Variants in PLEKHH2 observed in about 807,000 individuals in gnomAD.
PLEKHH2 encodes pleckstrin homology, MyTH4 and FERM domain containing H2.
PLEKHH2 carries 129 observed loss-of-function variants against 187.9 expected under a neutral mutation model. The observed-to-expected ratio is 0.69, with a 90% CI of 0.59 to 0.79. The LOEUF (loss-of-function observed/expected upper bound fraction) is 0.79, where lower values mean the gene tolerates loss of function less well. Among genes scored for constraint, PLEKHH2 ranks in the 30% least tolerant of loss-of-function variants. PLEKHH2 has a pLI of 0.00. For missense variants in PLEKHH2, 2,076 were observed against 1,751.2 expected, an observed-to-expected ratio of 1.19 and a Z score of -3.31; for synonymous variants, 686 against 605.6, an observed-to-expected ratio of 1.13 and a Z score of -1.95.
At chr2:43,724,627 A>G (rs1369353889) in intron 16 of PLEKHH2, among the ~76,000 whole-genome samples, 1 of 152,196 alleles carries the variant, frequency 6.6e-6, no homozygotes. Flanking sequence ...TATAACAAAG[A>G]GCCTTGGAAT....
intron 10 of PLEKHH2, 66 bp from the exon 11 acceptor site, chr2:43,707,335 A>G: frequency 1.3e-6 from 2 of 1,584,784 alleles, no homozygotes; most frequent in Non-Finnish European, 1.7e-6. Flanking sequence ...AATAACTAGC[A>G]GCCTTTTCTT....
At chr2:43,738,974 C>T (rs868504951) in intron 20 of PLEKHH2, among the ~76,000 whole-genome samples, 1 of 152,184 alleles carries the variant, frequency 6.6e-6, no homozygotes, top group Non-Finnish European at 1.5e-5. Flanking sequence ...TCACTGGAAC[C>T]TCCGCCTCCC....
chr2:43,744,781 T>A (rs544550454), intron 23 of PLEKHH2, among the ~76,000 whole-genome samples: 15 of 148,182 alleles, frequency 1.0e-4, no homozygotes, highest in Middle Eastern at 3.6e-3. Flanking sequence ...GGCACTAGAA[T>A]CTCTTGAGCC....
chr2:43,726,479 G>T, intron 17 of PLEKHH2, 28 bp downstream of exon 17: 1 of 1,531,830 alleles, frequency 6.5e-7, no homozygotes, highest in Non-Finnish European at 9.0e-7. Flanking sequence ...GGTTGATTTA[G>T]AATGATGTAG....
In PLEKHH2 at chr2:43,678,851, C is replaced by G. The variant is rs1400193016; in HGVS notation, c.124-12C>G. ...ATAAATTTTTGTATTTATATTTTCC[C>G]TCACTCTACAGATGCAACAGCTTGA... On this transcript the variant is annotated splice_polypyrimidine_tract_variant and intron_variant, in intron 2 of 29. Coordinates refer to ENST00000282406, the MANE Select transcript of PLEKHH2 (RefSeq NM_172069.4). 3 of 1,571,410 alleles carry G rather than the reference C, an allele frequency of 1.9e-6. No individual in the cohort carries two copies. Among genetic ancestry groups the G allele is most frequent in the Non-Finnish European group, 2.6e-6 (3 of 1,154,340 alleles).
At position 43,710,100 on chromosome 2, in the gene PLEKHH2, T is replaced by A. The variant is rs993002177; in HGVS notation, c.2077T>A (p.Ser693Thr). Residue 693 changes from serine to threonine, a missense_variant, in exon 12 of 30, where the codon TCA (serine) becomes ACA (threonine). Coordinates refer to ENST00000282406, the MANE Select transcript of PLEKHH2 (RefSeq NM_172069.4). The part of the protein sequence containing the change: ...QPEQKLPKTC[S>T]SSSDNGKNEP... ...AGAGCAGAAGCTCCCAAAAACTTGC[T>A]CATCTTCCAGTGATAATGGGAAAAA... 3.1e-6 allele frequency: 5 copies of A among 1,613,138 alleles called. No individual in the cohort carries two copies. In the African/African-American group the frequency reaches 6.7e-5, roughly 22 times the overall value.
At chr2:43,714,744 C>G (rs1243008670) in intron 15 of PLEKHH2, among the ~76,000 whole-genome samples, 1 of 152,104 alleles carries the variant, frequency 6.6e-6, no homozygotes, top group Admixed American at 6.5e-5. Flanking sequence ...GCACAATGTG[C>G]TGAAAGATAC....
At chr2:43,755,585 T>C (rs74371510) in intron 25 of PLEKHH2, among the ~76,000 whole-genome samples, 2,106 of 152,282 alleles carry the variant, frequency 0.014, 62 homozygotes, top group African/African-American at 0.046. Context: ...AGACAGTAAT[T>C]TGGGCAGGGA....
intron 19 of PLEKHH2, among the ~76,000 whole-genome samples, chr2:43,733,732 G>A (rs1244551112): frequency 6.6e-6 from 1 of 152,160 alleles, no homozygotes; most frequent in Non-Finnish European, 1.5e-5. Context: ...AGGTGGGGAG[G>A]TGGTGAAGTT....
intron 15 of PLEKHH2, among the ~76,000 whole-genome samples, chr2:43,715,725 G>A (rs1236789743): frequency 2.0e-5 from 3 of 152,176 alleles, no homozygotes; most frequent in African/African-American, 7.2e-5. Context: ...TCAGGAAAGA[G>A]GAGCAGTTTT....
At chr2:43,648,952 G>T (rs1479244736) in intron 2 of PLEKHH2, among the ~76,000 whole-genome samples, 2 of 152,144 alleles carry the variant, frequency 1.3e-5, no homozygotes, top group Non-Finnish European at 2.9e-5. Context: ...GATGATCTAG[G>T]TGTTTTTATA....
chr2:43,653,020 A>C (rs1191242945), intron 2 of PLEKHH2, among the ~76,000 whole-genome samples: 2 of 152,216 alleles, frequency 1.3e-5, no homozygotes, highest in Non-Finnish European at 2.9e-5. Context: ...ATGTAAAGCA[A>C]AACATTAAAG....
rs1452249965 is a variant in PLEKHH2 at position 43,710,236 on chromosome 2, C to T, written c.2120C>T (p.Ser707Phe). The T allele has an allele frequency of 6.2e-7, 1 of 1,613,850 alleles. No homozygotes were observed. The highest frequency in any genetic ancestry group is 2.2e-5 in the East Asian group (1 of 44,876). ...AAAAATTAGGAACCACTGGAAAAAT[C>T]TGGTTATTTATTAAAAATGAGTGGT... ...DNGKNEPLEK[S>F]GYLLKMSGKV... The change falls in exon 13 of 30, where the codon TCT (serine) becomes TTT (phenylalanine). Residue 707 changes from serine to phenylalanine, a missense_variant. Transcript: ENST00000282406.
intron 4 of PLEKHH2, among the ~76,000 whole-genome samples, chr2:43,693,528 A>T (rs7563271): frequency 6.6e-6 from 1 of 151,962 alleles, no homozygotes; most frequent in Non-Finnish European, 1.5e-5. Flanking sequence ...GATCGAGACC[A>T]TCTGGCTAAC....
chr2:43,760,176 T>A (rs1452603157), intron 27 of PLEKHH2, among the ~76,000 whole-genome samples: 1 of 152,166 alleles, frequency 6.6e-6, no homozygotes, highest in Non-Finnish European at 1.5e-5. Context: ...TTTTCTGTTC[T>A]GATAAAATGT....
intron 16 of PLEKHH2, among the ~76,000 whole-genome samples, chr2:43,725,119 C>A (rs1214012600): frequency 6.6e-6 from 1 of 152,166 alleles, no homozygotes. Flanking sequence ...GATATCTTAT[C>A]CTCCTGATGG....
chr2:43,666,823 A>G (rs1317758918), intron 2 of PLEKHH2, among the ~76,000 whole-genome samples: 5 of 152,166 alleles, frequency 3.3e-5, no homozygotes, highest in Admixed American at 2.0e-4. Context: ...CTTGAATTGT[A>G]AAAATTCCTT....
At chr2:43,734,525 A>C (rs1572638436) in intron 19 of PLEKHH2, among the ~76,000 whole-genome samples, 1 of 152,356 alleles carries the variant, frequency 6.6e-6, no homozygotes, top group South Asian at 2.1e-4. Context: ...ATCATCAGGG[A>C]AATGCAAATC....
intron 16 of PLEKHH2, among the ~76,000 whole-genome samples, chr2:43,723,942 G>C (rs566508302): frequency 1.3e-5 from 2 of 152,252 alleles, no homozygotes; most frequent in Non-Finnish European, 2.9e-5. Flanking sequence ...GTGGTGCTGT[G>C]GACATGTGAG....
Sources: gnomAD v4.1 joint callset for allele counts (sites outside exome capture counted in the v4.1 genomes callset) on GRCh38, gnomAD v4.1.1 for gene constraint, MANE v1.5 for transcripts, NCBI Gene and HGNC (gene_info 2026-07-23, HGNC 2026-07-21) for gene names.